The following DNAJC10 variants were observed in gnomAD, a reference collection of about 807,000 sequenced individuals.
DNAJC10 encodes the protein endoplasmic reticulum disulfide reductase DNAJC10.
DNAJC10 carries 101 observed loss-of-function variants against 115.0 expected under a neutral mutation model. That is an observed-to-expected ratio of 0.88 (90% CI 0.75 to 1.04). The LOEUF (loss-of-function observed/expected upper bound fraction) is 1.04. Ranked by LOEUF, DNAJC10 falls within the 50% of genes least tolerant of loss-of-function variation. DNAJC10 has a pLI of 0.00. For missense variants in DNAJC10, 981 were observed against 928.8 expected (o/e 1.06, Z -0.73); for synonymous variants, 307 against 301.5 (o/e 1.02, Z -0.19).
Position 182,762,690 on chromosome 2 carries a change from A to AG in DNAJC10, c.2156dup (p.Val721SerfsTer27), listed in dbSNP as rs757163167. ...GTATTTTTCTTTTTCAGATGATTAA[A>AG]GGAAAAGTGAAAGCTGGAAAAGTAG... On this transcript the variant is annotated frameshift_variant, in exon 22 of 24. Coordinates refer to ENST00000264065, the MANE Select transcript of DNAJC10 (RefSeq NM_018981.4). LOFTEE classifies it high-confidence loss of function. The AG allele has an allele frequency of 1.2e-6, 2 of 1,612,238 alleles. No individual in the cohort carries two copies. The highest frequency in any genetic ancestry group is 2.2e-5 in the South Asian group (2 of 91,030).
At chr2:182,717,266 T>G (rs1009389155) in intron 2 of DNAJC10, among the ~76,000 whole-genome samples, 194 bp downstream of exon 2, 35 of 152,170 alleles carry the variant, frequency 2.3e-4, no homozygotes, top group African/African-American at 8.2e-4. Context: ...CCCTTCTCTT[T>G]TTGTGTTTTG....
In DNAJC10 at chr2:182,777,401, G is replaced by T; in HGVS notation, c.*269G>T. On this transcript the variant is annotated 3_prime_UTR_variant, in exon 24 of 24. Transcript: ENST00000264065. The stretch of plus-strand genomic sequence containing the variant: ...AGAATAGAGTCATCATGTATTCTTT[G>T]TTATTTGCTTTTAACAACCTTTAAA... 3.9e-6 allele frequency: 1 copy of T among 256,578 alleles called. No individual in the cohort carries two copies. Among genetic ancestry groups the T allele is most frequent in the Non-Finnish European group, 7.5e-6 (1 of 134,220 alleles). 15.9% of individuals were successfully genotyped at this position (256,578 alleles called of 1,614,324 possible).
In DNAJC10 at chr2:182,729,835, CA is replaced by C; in HGVS notation, c.634-8del. 3 of 1,541,478 alleles carry C rather than the reference CA, an allele frequency of 1.9e-6. No homozygotes were observed. The highest frequency in any genetic ancestry group is 1.2e-5 in the South Asian group (1 of 80,330). ...AAAGTAAAAGATGTTTCTCTTCTTA[CA>C]AAAACCAATAGGCCCCAGTGAAATA... On this transcript the variant is annotated splice_polypyrimidine_tract_variant and intron_variant, in intron 7 of 23. Coordinates refer to ENST00000264065, the MANE Select transcript of DNAJC10 (RefSeq NM_018981.4).
rs531685810 is a variant in DNAJC10, at chr2:182,752,153, C to G, written c.1516C>G (p.Leu506Val). The change falls in exon 16 of 24, where the codon CTA (leucine) becomes GTA (valine). Residue 506 changes from leucine to valine, a missense_variant. Transcript: ENST00000264065. ...LLYGQLKFGT[L>V]DCTVHEGLCN... ...TTATGGTCAGCTTAAGTTTGGTACA[C>G]TAGATTGTACAGTTCATGAGGGACT... 8 of 1,611,384 alleles carry G rather than the reference C, an allele frequency of 5.0e-6. No individual in the cohort carries two copies. Among genetic ancestry groups the G allele is most frequent in the African/African-American group, 2.7e-5 (2 of 74,978 alleles).
At chr2:182,756,568 T>C in intron 18 of DNAJC10, 99 bp downstream of exon 18, 2 of 1,169,312 alleles carry the variant, frequency 1.7e-6, no homozygotes, top group South Asian at 3.0e-5. Context: ...CACAACTAAA[T>C]TATTACTTAA....
chr2:182,761,131 G>A (rs1452956170), intron 21 of DNAJC10, among the ~76,000 whole-genome samples: 1 of 152,002 alleles, frequency 6.6e-6, no homozygotes, highest in African/African-American at 2.4e-5. Context: ...ATGTCTTTAA[G>A]GAGATTTTAA....
intron 14 of DNAJC10, among the ~76,000 whole-genome samples, chr2:182,745,543 T>G (rs531336258): frequency 6.6e-6 from 1 of 152,338 alleles, no homozygotes; most frequent in Non-Finnish European, 1.5e-5. Context: ...TTACATTGTT[T>G]CTTTGGATTA....
At chr2:182,733,324 A>T (rs1314899764) in intron 10 of DNAJC10, among the ~76,000 whole-genome samples, 1 of 151,938 alleles carries the variant, frequency 6.6e-6, no homozygotes, top group South Asian at 2.1e-4. Context: ...TGATATTAAA[A>T]TCACTAACTT....
chr2:182,774,357 C>G (rs1485819094), intron 22 of DNAJC10, among the ~76,000 whole-genome samples: 1 of 152,196 alleles, frequency 6.6e-6, no homozygotes, highest in African/African-American at 2.4e-5. Context: ...AAATGCCGTT[C>G]TGGGAGAACC....
intron 14 of DNAJC10, among the ~76,000 whole-genome samples, chr2:182,745,371 C>A (rs760782239): frequency 3.3e-5 from 5 of 152,194 alleles, no homozygotes; most frequent in Non-Finnish European, 4.4e-5. Context: ...TGCCTTCACA[C>A]GATTTTTCCT....
intron 14 of DNAJC10, among the ~76,000 whole-genome samples, chr2:182,743,984 C>T (rs1181667942): frequency 6.6e-6 from 1 of 152,140 alleles, no homozygotes; most frequent in Non-Finnish European, 1.5e-5. Flanking sequence ...TGCTTGTTTG[C>T]AAAAGTAAGC....
rs1453351650 is a variant in DNAJC10 at position 182,791,960 on chromosome 2, A to G, written c.*14828A>G. On this transcript the variant is annotated 3_prime_UTR_variant, in exon 24 of 24. Transcript: ENST00000264065. ...CACATTTTAAATTTAACTCTAAACA[A>G]TGCAATAATCTAGAGAATCAGAGAA... is the stretch of plus-strand genomic sequence containing the variant. The G allele has an allele frequency of 6.6e-6, 1 of 152,188 alleles. No individual in the cohort carries two copies. Among genetic ancestry groups the G allele is most frequent in the African/African-American group, 2.4e-5 (1 of 41,466 alleles). The allele number at this position is 152,188 out of a possible 1,614,324, so 9.4% of individuals were successfully genotyped here. A position where few individuals can be genotyped will look rare whatever the true frequency, so the allele number is the denominator to read the frequency against.
intron 5 of DNAJC10, among the ~76,000 whole-genome samples, chr2:182,724,856 CA>C (rs1462520693): frequency 6.6e-6 from 1 of 152,166 alleles, no homozygotes; most frequent in Non-Finnish European, 1.5e-5. Context: ...ACTCAGCAAT[CA>C]GTGGGAACTT....
chr2:182,765,266 T>C (rs1422646112), intron 22 of DNAJC10, among the ~76,000 whole-genome samples: 1 of 152,058 alleles, frequency 6.6e-6, no homozygotes, highest in Non-Finnish European at 1.5e-5. Context: ...TAAAATCAAG[T>C]AGTAATTAAG....
chr2:182,737,163 T>C (rs915736650), intron 11 of DNAJC10, among the ~76,000 whole-genome samples: 6 of 152,202 alleles, frequency 3.9e-5, no homozygotes, highest in Admixed American at 1.3e-4. Flanking sequence ...TTTTGACATC[T>C]TGTAATGTGG....
intron 23 of DNAJC10, among the ~76,000 whole-genome samples, chr2:182,776,073 A>G (rs1694696944): frequency 6.6e-6 from 1 of 152,178 alleles, no homozygotes; most frequent in African/African-American, 2.4e-5. Context: ...GAATATACCA[A>G]AAACCACTAA....
intron 12 of DNAJC10, among the ~76,000 whole-genome samples, chr2:182,740,903 C>G (rs407597): frequency 6.6e-6 from 1 of 152,100 alleles, no homozygotes; most frequent in African/African-American, 2.4e-5. Flanking sequence ...CTTTTGAAGT[C>G]TGTATCACTA....
chr2:182,772,750 G>A (rs547431620), intron 22 of DNAJC10, among the ~76,000 whole-genome samples: 1 of 152,176 alleles, frequency 6.6e-6, no homozygotes, highest in African/African-American at 2.4e-5. Context: ...CATGAGATGG[G>A]TCTCCTGAAT....
intron 16 of DNAJC10, chr2:182,752,413 A>G (rs1252770862): frequency 5.7e-6 from 2 of 351,250 alleles, no homozygotes; most frequent in East Asian, 1.1e-4. Context: ...GGTCTTATTT[A>G]TCAAACTCAG....
Sources: allele counts gnomAD v4.1 joint callset (sites outside exome capture counted in the v4.1 genomes callset), GRCh38; gene constraint gnomAD v4.1.1; transcripts MANE v1.5; gene names NCBI Gene and HGNC (gene_info 2026-07-23, HGNC 2026-07-21).